MAPT: variants seen among roughly 807,000 people sequenced by gnomAD.
MAPT encodes microtubule-associated protein tau.
MAPT carries 34 observed loss-of-function variants against 67.9 expected under a neutral mutation model. The observed-to-expected ratio is 0.50, with a 90% CI of 0.38 to 0.67. The LOEUF is 0.67. Ranked by LOEUF, MAPT falls within the 30% of genes least tolerant of loss-of-function variation. MAPT has a pLI of 0.00. For synonymous variants in MAPT, 456 were observed against 464.5 expected (o/e 0.98, Z 0.23); for missense variants, 881 against 1,115.2 (o/e 0.79, Z 2.99).
chr17:45,916,636 C>T lies in MAPT; in HGVS notation c.-18+21950C>T, dbSNP rs535639591. The stretch of plus-strand genomic sequence containing the variant: ...TGACAGCCTTCAGTGGAGTTGCCCA[C>T]TTTCCCTTTTCTCCTCCCTGCAGGA... On this transcript the variant is annotated intron_variant, in intron 1 of 12. Coordinates refer to ENST00000262410, the MANE Select transcript of MAPT (RefSeq NM_001377265.1). Among the ~76,000 whole-genome samples the T allele has an allele frequency of 1.7e-4, 26 of 152,344 alleles. 1 individual carries two copies. The Middle Eastern group carries it at 0.014, about 80-fold the overall frequency.
intron 11 of MAPT, among the ~76,000 whole-genome samples, chr17:46,018,159 A>C (rs928464301): frequency 5.3e-5 from 8 of 152,020 alleles, no homozygotes; most frequent in Non-Finnish European, 1.0e-4. Context: ...AAAAAAAAAA[A>C]AAAACAGACT....
At chr17:46,017,215 T>C (rs1598403670) in intron 11 of MAPT, among the ~76,000 whole-genome samples, 1 of 152,338 alleles carries the variant, frequency 6.6e-6, no homozygotes, top group Non-Finnish European at 1.5e-5. Flanking sequence ...GTGGGCTGTC[T>C]CTTCCTCATG....
At chr17:45,967,977 C>T (rs187115359) in intron 2 of MAPT, among the ~76,000 whole-genome samples, 4 of 152,178 alleles carry the variant, frequency 2.6e-5, no homozygotes, top group African/African-American at 7.2e-5. Flanking sequence ...CCATTCCATC[C>T]GACACAGATC....
At chr17:45,953,619 T>A (rs2069308785) in intron 1 of MAPT, among the ~76,000 whole-genome samples, 1 of 152,206 alleles carries the variant, frequency 6.6e-6, no homozygotes, top group Non-Finnish European at 1.5e-5. Flanking sequence ...ATGAGTTGAT[T>A]TCTGCATCAG....
chr17:45,946,612 A>AT (rs1235093313), intron 1 of MAPT, among the ~76,000 whole-genome samples: 7 of 128,310 alleles, frequency 5.5e-5, no homozygotes, highest in African/African-American at 2.1e-4. Context: ...AAAAAAAAAA[A>AT]AAAATATATA....
chr17:45,964,611 G>A (rs2070841717), intron 2 of MAPT, among the ~76,000 whole-genome samples: 5 of 151,902 alleles, frequency 3.3e-5, no homozygotes. Context: ...TTGAGCCCAG[G>A]AGGCGGAGGT....
At chr17:45,944,588 C>T (rs962946484) in intron 1 of MAPT, among the ~76,000 whole-genome samples, 3 of 152,158 alleles carry the variant, frequency 2.0e-5, no homozygotes, top group African/African-American at 4.8e-5. Context: ...GCTTTGGGCC[C>T]GGGTCGGGGT....
chr17:45,945,890 G>T (rs775556004), intron 1 of MAPT, among the ~76,000 whole-genome samples: 3 of 152,210 alleles, frequency 2.0e-5, no homozygotes, highest in Non-Finnish European at 4.4e-5. Context: ...AGAACAACTG[G>T]TGTAATATGG....
intron 3 of MAPT, among the ~76,000 whole-genome samples, chr17:45,972,474 A>T (rs548447373): frequency 6.6e-6 from 1 of 152,236 alleles, no homozygotes; most frequent in South Asian, 2.1e-4. Flanking sequence ...ATACTTTCTG[A>T]CATGCTCCTC....
chr17:45,932,517 G>C (rs2066931227), intron 1 of MAPT, among the ~76,000 whole-genome samples: 1 of 148,980 alleles, frequency 6.7e-6, no homozygotes, highest in African/African-American at 2.5e-5. Flanking sequence ...TTGCACCTGA[G>C]AGGTGGAGGT....
chr17:45,978,553 G>A, intron 4 of MAPT, 113 bp downstream of exon 4: 1 of 832,164 alleles, frequency 1.2e-6, no homozygotes, highest in Non-Finnish European at 1.9e-6. Context: ...AAGTCCAGGA[G>A]ATTTTAGGGA....
Position 46,010,187 on chromosome 17 carries a change from C to T in MAPT, c.1999-123C>T, listed in dbSNP as rs1324662566. 1 of 733,890 alleles carries T rather than the reference C, an allele frequency of 1.4e-6. No homozygotes were observed. The highest frequency in any genetic ancestry group is 1.7e-5 in the African/African-American group (1 of 57,592). 45.5% of individuals were successfully genotyped at this position (733,890 alleles called of 1,614,324 possible). On this transcript the variant is annotated intron_variant, in intron 9 of 12. Coordinates refer to ENST00000262410, the MANE Select transcript of MAPT (RefSeq NM_001377265.1). The surrounding 1 kb of genome is among the most constrained non-coding windows in gnomAD (Gnocchi z 4.7). ...TGCCAAGTCCGAAAGTGGAGGCATCCTTGCGAGCAAGTAGGCGGGTCCAGG... is the reference window on the plus strand; with the variant it reads ...TGCCAAGTCCGAAAGTGGAGGCATCTTTGCGAGCAAGTAGGCGGGTCCAGG...
intron 1 of MAPT, among the ~76,000 whole-genome samples, chr17:45,905,356 A>C (rs756671468): frequency 1.3e-5 from 2 of 152,170 alleles, no homozygotes; most frequent in African/African-American, 4.8e-5. Flanking sequence ...GCCTGAGAAA[A>C]GGCCAGTGGC....
At chr17:45,904,432 G>A (rs1484207511) in intron 1 of MAPT, among the ~76,000 whole-genome samples, 1 of 115,010 alleles carries the variant, frequency 8.7e-6, no homozygotes, top group Non-Finnish European at 1.8e-5. Flanking sequence ...CAGGCTCGGT[G>A]GCTCACACTT....
chr17:45,979,316 G>C (rs763371554), intron 4 of MAPT: 2 of 152,250 alleles, frequency 1.3e-5, no homozygotes, highest in Admixed American at 1.3e-4. Flanking sequence ...TCATTTGCTA[G>C]ATAAATGAAC....
chr17:45,955,743 T>TTTTTTTTTTCC (rs2069575878), intron 1 of MAPT, among the ~76,000 whole-genome samples: 1 of 151,260 alleles, frequency 6.6e-6, no homozygotes. Flanking sequence ...TTTTTTTTTC[T>TTTTTTTTTTCC]TTTTCCTTTT....
chr17:46,024,186 C>T lies in MAPT; in HGVS notation c.*15C>T, dbSNP rs373064273. ...AGGGTTTGTGATCAGGCCCCTGGGG[C>T]GGTCAATAATTGTGGAGAGGAGAGA... is the stretch of plus-strand genomic sequence containing the variant. On this transcript the variant is annotated 3_prime_UTR_variant, in exon 13 of 13. Transcript: ENST00000262410. 1.4e-5 allele frequency: 23 copies of T among 1,609,836 alleles called. No individual in the cohort carries two copies. The African/African-American group carries it at 1.7e-4, about 12-fold the overall frequency.
At chr17:46,014,924 G>A (rs1383682741) in intron 11 of MAPT, among the ~76,000 whole-genome samples, 1 of 151,542 alleles carries the variant, frequency 6.6e-6, no homozygotes, top group Non-Finnish European at 1.5e-5. Flanking sequence ...GTGGGATCCA[G>A]GAGATAGAGA....
intron 4 of MAPT, chr17:45,979,844 A>G (rs1482870484): frequency 6.6e-6 from 1 of 152,218 alleles, no homozygotes; most frequent in African/African-American, 2.4e-5. Flanking sequence ...ATGCAACAAA[A>G]AAAGCCCAGG....
Sources: allele counts gnomAD v4.1 joint callset (sites outside exome capture counted in the v4.1 genomes callset), GRCh38; gene constraint gnomAD v4.1.1; non-coding constraint Gnocchi (gnomAD v3.1); transcripts MANE v1.5; gene names NCBI Gene and HGNC (gene_info 2026-07-23, HGNC 2026-07-21).